The following ITFG1 variants were observed in gnomAD, a reference collection of about 807,000 sequenced individuals.
The protein encoded by ITFG1 is integrin alpha FG-GAP repeat containing 1, also known as T-cell immunomodulatory protein.
In ITFG1, 34 loss-of-function variants were observed where a neutral mutation model predicts 81.8. The ratio of observed to expected loss-of-function variants is 0.42; its 90% confidence interval spans 0.32 to 0.55. The LOEUF is 0.55. ITFG1 is among the 20% of genes least tolerant of loss of function. The pLI, the probability that ITFG1 is intolerant of heterozygous loss-of-function variation, is 0.17. For missense variants in ITFG1, 672 were observed against 755.4 expected (o/e 0.89, Z 1.29); for synonymous variants, 285 against 270.6 (o/e 1.05, Z -0.52).
At chr16:47,424,426 C>G (rs1426454548) in intron 6 of ITFG1, among the ~76,000 whole-genome samples, 1 of 152,220 alleles carries the variant, frequency 6.6e-6, no homozygotes, top group East Asian at 1.9e-4. Flanking sequence ...CTGAAGCCTA[C>G]TTCTGTCAAC....
chr16:47,357,671 A>G (rs1329994960), intron 8 of ITFG1, among the ~76,000 whole-genome samples: 2 of 152,022 alleles, frequency 1.3e-5, no homozygotes, highest in African/African-American at 2.4e-5. Context: ...TGAGAATACA[A>G]TATGTCAGAG....
intron 8 of ITFG1, among the ~76,000 whole-genome samples, chr16:47,349,118 A>G (rs1160732484): frequency 1.3e-5 from 2 of 152,224 alleles, no homozygotes; most frequent in African/African-American, 4.8e-5. Context: ...GCCAAATTGT[A>G]AAGACCACTG....
chr16:47,268,543 A>G (rs1355529954), intron 10 of ITFG1, among the ~76,000 whole-genome samples: 2 of 152,258 alleles, frequency 1.3e-5, no homozygotes, highest in Non-Finnish European at 2.9e-5. Flanking sequence ...GAAAGACATC[A>G]TAAGAAAACT....
intron 14 of ITFG1, among the ~76,000 whole-genome samples, chr16:47,217,129 A>G (rs1350910397): frequency 7.1e-6 from 1 of 140,450 alleles, no homozygotes; most frequent in Non-Finnish European, 1.5e-5. Flanking sequence ...AGATGTACAC[A>G]ATGTATCATT....
intron 10 of ITFG1, among the ~76,000 whole-genome samples, chr16:47,278,452 C>T (rs1192134658): frequency 2.6e-5 from 4 of 152,156 alleles, no homozygotes; most frequent in Non-Finnish European, 5.9e-5. Context: ...GCGGCTGCTG[C>T]TACCTCGCTC....
intron 8 of ITFG1, among the ~76,000 whole-genome samples, chr16:47,363,794 A>G (rs895500153): frequency 2.6e-5 from 4 of 152,156 alleles, no homozygotes; most frequent in African/African-American, 9.7e-5. Context: ...TAACAAAACC[A>G]TTATTACCCT....
chr16:47,230,700 TGTG>T (rs1370639372), intron 13 of ITFG1, among the ~76,000 whole-genome samples: 4 of 152,140 alleles, frequency 2.6e-5, no homozygotes, highest in Non-Finnish European at 5.9e-5. Context: ...TGAGAATGGC[TGTG>T]GAGGAAGGGA....
At chr16:47,274,321 C>A (rs1022536829) in intron 10 of ITFG1, among the ~76,000 whole-genome samples, 2 of 152,018 alleles carry the variant, frequency 1.3e-5, no homozygotes, top group Non-Finnish European at 2.9e-5. Context: ...AAAAGTTTGA[C>A]CATGCTGAGT....
intron 6 of ITFG1, among the ~76,000 whole-genome samples, chr16:47,396,522 T>TGTGTGTGTGTGTGTGTGTGTGTG (rs1555514097): frequency 8.3e-6 from 1 of 119,966 alleles, no homozygotes; most frequent in African/African-American, 5.5e-5. Flanking sequence ...CTAATAATTA[T>TGTGTGTGTGTGTGTGTGTGTGTG]TTTGTGTGTG....
At chr16:47,329,831 G>A (rs1477410461) in intron 8 of ITFG1, among the ~76,000 whole-genome samples, 3 of 152,040 alleles carry the variant, frequency 2.0e-5, no homozygotes, top group Admixed American at 2.0e-4. Flanking sequence ...GGCAGCCTGC[G>A]TCGAGAGCCC....
At chr16:47,433,119 G>A (rs1325085481) in intron 5 of ITFG1, among the ~76,000 whole-genome samples, 1 of 151,990 alleles carries the variant, frequency 6.6e-6, no homozygotes, top group African/African-American at 2.4e-5. Context: ...CTAGAATTTT[G>A]GAAAAACTCA....
chr16:47,266,949 C>T (rs2151544538), intron 10 of ITFG1, among the ~76,000 whole-genome samples: 1 of 152,182 alleles, frequency 6.6e-6, no homozygotes, highest in African/African-American at 2.4e-5. Context: ...CAAAGGACAA[C>T]ATATATTCCA....
intron 6 of ITFG1, among the ~76,000 whole-genome samples, chr16:47,409,404 ATTTTTTTTTTT>A (rs1187071917): frequency 1.5e-3 from 9 of 6,098 alleles, no homozygotes; most frequent in African/African-American, 4.8e-3. Flanking sequence ...ATATATATAT[ATTTTTTTTTTT>A]TTTTTTTTTT....
intron 6 of ITFG1, among the ~76,000 whole-genome samples, chr16:47,403,980 G>A (rs1567488216): frequency 6.6e-6 from 1 of 151,718 alleles, no homozygotes; most frequent in African/African-American, 2.4e-5. Flanking sequence ...CTACATTATG[G>A]TAAGTTGTAT....
chr16:47,221,426 G>A (rs1464066730), intron 13 of ITFG1, among the ~76,000 whole-genome samples: 1 of 152,160 alleles, frequency 6.6e-6, no homozygotes, highest in Non-Finnish European at 1.5e-5. Flanking sequence ...GCATCCCAGG[G>A]ATGAAGCCCA....
intron 8 of ITFG1, among the ~76,000 whole-genome samples, chr16:47,338,503 C>T (rs527630711): frequency 2.1e-4 from 32 of 152,098 alleles, no homozygotes; most frequent in Admixed American, 2.0e-3. Flanking sequence ...TCCAGAGTTA[C>T]ATTATAATAT....
intron 8 of ITFG1, among the ~76,000 whole-genome samples, chr16:47,324,924 G>A (rs1967509712): frequency 6.6e-6 from 1 of 152,036 alleles, no homozygotes; most frequent in Non-Finnish European, 1.5e-5. Context: ...AGACAGATCA[G>A]CGAGACAGAA....
chr16:47,240,232 G>C (rs1425983419), intron 12 of ITFG1, among the ~76,000 whole-genome samples: 1 of 149,860 alleles, frequency 6.7e-6, no homozygotes, highest in Non-Finnish European at 1.5e-5. Context: ...GGAAGCAGAG[G>C]CTGCAGTGAT....
chr16:47,236,272 G>A (rs1261885179), intron 13 of ITFG1, among the ~76,000 whole-genome samples: 1 of 151,966 alleles, frequency 6.6e-6, no homozygotes, highest in Non-Finnish European at 1.5e-5. Context: ...TCAGGAGATC[G>A]AGACCATCCT....
Sources: allele counts gnomAD v4.1 joint callset (sites outside exome capture counted in the v4.1 genomes callset), GRCh38; gene constraint gnomAD v4.1.1; transcripts MANE v1.5; gene names NCBI Gene and HGNC (gene_info 2026-07-23, HGNC 2026-07-21).